The following KCNIP1 variants were observed in gnomAD, a reference collection of about 807,000 sequenced individuals.
The protein encoded by KCNIP1 is A-type potassium channel modulatory protein KCNIP1.
In KCNIP1, 18 loss-of-function variants were observed where a neutral mutation model predicts 33.0. The ratio of observed to expected loss-of-function variants is 0.55; its 90% CI spans 0.38 to 0.81. The LOEUF is 0.81. Ranked by LOEUF, KCNIP1 falls within the 30% of genes least tolerant of loss-of-function variation. The pLI, the probability that KCNIP1 is intolerant of heterozygous loss-of-function variation, is 0.00. For synonymous variants in KCNIP1, 93 were observed against 98.3 expected (o/e 0.95, Z 0.32); for missense variants, 238 against 271.6 (o/e 0.88, Z 0.87).
intron 1 of KCNIP1, among the ~76,000 whole-genome samples, chr5:170,581,961 T>C (rs964360083): frequency 6.6e-6 from 1 of 152,078 alleles, no homozygotes; most frequent in Non-Finnish European, 1.5e-5. Flanking sequence ...GAGGGGGAGA[T>C]GCCAGGCTCT....
intron 1 of KCNIP1, among the ~76,000 whole-genome samples, chr5:170,395,848 T>TG (rs1471781537): frequency 2.6e-5 from 4 of 152,228 alleles, no homozygotes; most frequent in Admixed American, 6.5e-5. Flanking sequence ...GCTGTGGCCT[T>TG]GGGCAGTGGC....
chr5:170,426,915 T>C (rs2113439750), intron 1 of KCNIP1, among the ~76,000 whole-genome samples: 1 of 152,320 alleles, frequency 6.6e-6, no homozygotes, highest in Non-Finnish European at 1.5e-5. Context: ...TGTGCAGCCT[T>C]TGCGTGGCCA....
Position 170,695,107 on chromosome 5 carries a change from T to A in KCNIP1, c.62-23651T>A, listed in dbSNP as rs866980817. Among the ~76,000 whole-genome samples, 5 of 152,250 alleles carry A rather than the reference T, an allele frequency of 3.3e-5. No individual in the cohort carries two copies. The South Asian group carries it at 1.0e-3, about 32-fold the overall frequency. On this transcript the variant is annotated intron_variant, in intron 1 of 7. Coordinates refer to ENST00000328939, the MANE Select transcript of KCNIP1 (RefSeq NM_014592.4). ...CAGCATGGTTCCACCATCCACCCAA[T>A]TGCTAAAGCCTGGATAGTCTTCCTT...
chr5:170,507,180 G>A (rs1754753550), intron 1 of KCNIP1, among the ~76,000 whole-genome samples: 1 of 152,210 alleles, frequency 6.6e-6, no homozygotes, highest in Non-Finnish European at 1.5e-5. Flanking sequence ...AGAAGCAACC[G>A]GAAGAGAGCA....
intron 1 of KCNIP1, among the ~76,000 whole-genome samples, chr5:170,650,087 A>G (rs1233980173): frequency 6.6e-6 from 1 of 152,226 alleles, no homozygotes; most frequent in Non-Finnish European, 1.5e-5. Context: ...AGGGAATTTT[A>G]AGAAATATTG....
intron 1 of KCNIP1, among the ~76,000 whole-genome samples, chr5:170,637,236 C>G (rs1172513356): frequency 6.6e-6 from 1 of 152,074 alleles, no homozygotes; most frequent in East Asian, 1.9e-4. Flanking sequence ...GCCCTTGACA[C>G]CCTCTACCCA....
At chr5:170,573,858 T>C (rs1210956041) in intron 1 of KCNIP1, among the ~76,000 whole-genome samples, 1 of 152,222 alleles carries the variant, frequency 6.6e-6, no homozygotes, top group Non-Finnish European at 1.5e-5. Flanking sequence ...GACAGAAAGT[T>C]GGACAATTCC....
At chr5:170,617,937 C>T (rs897330530) in intron 1 of KCNIP1, among the ~76,000 whole-genome samples, 5 of 152,244 alleles carry the variant, frequency 3.3e-5, no homozygotes, top group South Asian at 2.1e-4. Flanking sequence ...GAATTACAAC[C>T]GGAGATATAA....
intron 1 of KCNIP1, among the ~76,000 whole-genome samples, chr5:170,660,552 G>A (rs375570649): frequency 6.6e-6 from 1 of 152,154 alleles, no homozygotes; most frequent in African/African-American, 2.4e-5. Context: ...CTAGGGTGAG[G>A]GGAGACCAGA....
At chr5:170,412,718 C>G (rs915934211) in intron 1 of KCNIP1, among the ~76,000 whole-genome samples, 2 of 152,164 alleles carry the variant, frequency 1.3e-5, no homozygotes, top group Non-Finnish European at 2.9e-5. Flanking sequence ...CTTGCTTTTT[C>G]TCTGCTGCCT....
intron 1 of KCNIP1, among the ~76,000 whole-genome samples, chr5:170,356,345 A>G (rs943133467): frequency 1.3e-5 from 2 of 152,114 alleles, no homozygotes; most frequent in African/African-American, 4.8e-5. Context: ...TGCTTGTTCT[A>G]TGGCAATTTA....
chr5:170,718,088 T>C (rs1422554648), intron 1 of KCNIP1, among the ~76,000 whole-genome samples: 1 of 152,234 alleles, frequency 6.6e-6, no homozygotes, highest in Non-Finnish European at 1.5e-5. Flanking sequence ...TATTACATTA[T>C]AGTCCATAAG....
At chr5:170,692,124 C>T (rs1762743309) in intron 1 of KCNIP1, among the ~76,000 whole-genome samples, 1 of 152,128 alleles carries the variant, frequency 6.6e-6, no homozygotes, top group African/African-American at 2.4e-5. Flanking sequence ...CCCAGACATG[C>T]AACACATTCA....
chr5:170,386,625 G>GC (rs1181328566), intron 1 of KCNIP1, among the ~76,000 whole-genome samples: 1 of 152,044 alleles, frequency 6.6e-6, no homozygotes, highest in Non-Finnish European at 1.5e-5. Flanking sequence ...GAAAGGAGAG[G>GC]AGGGCCCCAG....
intron 1 of KCNIP1, among the ~76,000 whole-genome samples, chr5:170,450,382 C>G (rs924831727): frequency 2.6e-5 from 4 of 152,188 alleles, no homozygotes; most frequent in African/African-American, 9.6e-5. Flanking sequence ...CCCGCATCTA[C>G]TCACAAATCA....
At chr5:170,524,243 C>T (rs530097627) in intron 1 of KCNIP1, among the ~76,000 whole-genome samples, 1 of 152,188 alleles carries the variant, frequency 6.6e-6, no homozygotes, top group African/African-American at 2.4e-5. Flanking sequence ...CCTTCCCAAG[C>T]TGCCAACGCT....
chr5:170,647,672 T>C (rs1454939482), intron 1 of KCNIP1, among the ~76,000 whole-genome samples: 1 of 151,552 alleles, frequency 6.6e-6, no homozygotes, highest in African/African-American at 2.4e-5. Context: ...ACTATAAAAC[T>C]CCTAGAATAT....
At chr5:170,691,425 T>C (rs1762715575) in intron 1 of KCNIP1, among the ~76,000 whole-genome samples, 1 of 152,240 alleles carries the variant, frequency 6.6e-6, no homozygotes, top group African/African-American at 2.4e-5. Flanking sequence ...GACCAGAATT[T>C]AGACCCCAGT....
intron 1 of KCNIP1, among the ~76,000 whole-genome samples, chr5:170,628,109 T>C (rs550961734): frequency 6.6e-6 from 1 of 152,262 alleles, no homozygotes; most frequent in Admixed American, 6.5e-5. Flanking sequence ...AGAGACAGCA[T>C]TGGAAGATAA....
Sources: allele counts gnomAD v4.1 joint callset (sites outside exome capture counted in the v4.1 genomes callset), GRCh38; gene constraint gnomAD v4.1.1; transcripts MANE v1.5; gene names NCBI Gene and HGNC (gene_info 2026-07-23, HGNC 2026-07-21).